CHD6: variants seen among roughly 807,000 people sequenced by gnomAD.
CHD6 encodes the protein ATP-dependent chromatin remodeler CHD6.
CHD6 carries 50 observed loss-of-function variants against 276.9 expected under a neutral mutation model. The ratio of observed to expected loss-of-function variants is 0.18; its 90% CI spans 0.14 to 0.23. The LOEUF (loss-of-function observed/expected upper bound fraction) is 0.23, where lower values mean the gene tolerates loss of function less well. CHD6 is among the 10% of genes least tolerant of loss of function. CHD6 has a pLI of 1.00. For missense variants in CHD6, 2,564 were observed against 3,365.8 expected (o/e 0.76, Z 5.89); for synonymous variants, 1,173 against 1,229.3 (o/e 0.95, Z 0.96).
chr20:41,510,539 G>T (rs1407065534), intron 5 of CHD6, among the ~76,000 whole-genome samples: 2 of 152,230 alleles, frequency 1.3e-5, no homozygotes, highest in Admixed American at 1.3e-4. Flanking sequence ...AAATTTTTTT[G>T]AGATATAATT....
At chr20:41,616,092 A>G (rs1393840017) in intron 1 of CHD6, among the ~76,000 whole-genome samples, 1 of 152,242 alleles carries the variant, frequency 6.6e-6, no homozygotes, top group Admixed American at 6.5e-5. Context: ...ATACAAAAAC[A>G]TAACTGCCAA....
intron 24 of CHD6, 46 bp from the exon 25 acceptor site, chr20:41,445,814 G>T: frequency 8.1e-7 from 1 of 1,229,960 alleles, no homozygotes; most frequent in Non-Finnish European, 1.2e-6. Flanking sequence ...AAAGCTACTG[G>T]TCCAACCCTG....
chr20:41,584,770 AAAC>A (rs1340691791), intron 1 of CHD6, among the ~76,000 whole-genome samples: 3 of 152,216 alleles, frequency 2.0e-5, no homozygotes, highest in African/African-American at 7.2e-5. Flanking sequence ...ATCAAAATCA[AAAC>A]AACATGAAAA....
intron 1 of CHD6, chr20:41,564,043 T>C: frequency 1.3e-6 from 1 of 779,388 alleles, no homozygotes; most frequent in Non-Finnish European, 2.4e-6. Flanking sequence ...ATCTGGGTTC[T>C]GAACACAAGC....
intron 27 of CHD6, among the ~76,000 whole-genome samples, chr20:41,430,029 T>C (rs1260939962): frequency 1.3e-5 from 2 of 152,338 alleles, no homozygotes; most frequent in Middle Eastern, 3.4e-3. Flanking sequence ...AGGACAGAGC[T>C]GGGAGAAAGA....
chr20:41,415,295 A>G lies in CHD6; in HGVS notation c.6830T>C (p.Leu2277Pro). Residue 2277 changes from leucine (L) to proline (P), a missense_variant, in exon 34 of 37, where the codon CTC (leucine) becomes CCC (proline). By Grantham distance (98) the Leu-to-Pro change is moderately conservative (BLOSUM62 -3). Around this residue, in one of 7 missense-constraint regions of CHD6, gnomAD observed 1,024 missense variants for 1,047.9 expected, o/e 0.98. Transcript: ENST00000373233. ...PVTGQIVNGS[L>P]RRDDAATRRR... The stretch of plus-strand genomic sequence containing the variant: ...CCTCGTGGCTGCATCATCTCTTCTG[A>G]GGCTTCCATTGACAATCTGTCCAGT... 6.2e-7 allele frequency: 1 copy of G among 1,614,008 alleles called. No individual in the cohort carries two copies. The highest frequency in any genetic ancestry group is 8.5e-7 in the Non-Finnish European group (1 of 1,180,008).
At chr20:41,409,743 G>T (rs1314609565) in intron 36 of CHD6, among the ~76,000 whole-genome samples, 1 of 152,170 alleles carries the variant, frequency 6.6e-6, no homozygotes, top group African/African-American at 2.4e-5. Context: ...TTATTAATAT[G>T]CATGTGTAAT....
intron 1 of CHD6, among the ~76,000 whole-genome samples, chr20:41,558,130 T>C (rs1305103310): frequency 2.6e-5 from 4 of 152,018 alleles, no homozygotes; most frequent in African/African-American, 9.7e-5. Flanking sequence ...GGGTAAGAAA[T>C]CCCCCAACTT....
intron 1 of CHD6, among the ~76,000 whole-genome samples, chr20:41,596,303 C>T (rs539910805): frequency 6.6e-6 from 1 of 152,208 alleles, no homozygotes; most frequent in South Asian, 2.1e-4. Flanking sequence ...GTAAATGCCC[C>T]CTTAACTAGT....
intron 2 of CHD6, among the ~76,000 whole-genome samples, chr20:41,549,690 A>C (rs1348913976): frequency 2.0e-5 from 3 of 152,228 alleles, no homozygotes; most frequent in South Asian, 4.1e-4. Context: ...ATAAAAAAAA[A>C]AGCTTATCTT....
intron 1 of CHD6, among the ~76,000 whole-genome samples, chr20:41,572,155 T>C (rs1434656462): frequency 1.3e-5 from 2 of 152,222 alleles, no homozygotes; most frequent in Non-Finnish European, 2.9e-5. Context: ...GACTGGACTC[T>C]CCAGAATTCC....
intron 23 of CHD6, 76 bp downstream of exon 23, chr20:41,450,870 C>CT: frequency 8.9e-6 from 12 of 1,355,322 alleles, no homozygotes; most frequent in Non-Finnish European, 7.2e-6. Context: ...ATGAAGTGCT[C>CT]TCCCTGTGGG....
chr20:41,469,427 G>A (rs1436120584), intron 17 of CHD6, among the ~76,000 whole-genome samples: 13 of 152,166 alleles, frequency 8.5e-5, no homozygotes, highest in Non-Finnish European at 1.9e-4. Flanking sequence ...GGTCTCTGAG[G>A]GGAGCATGAT....
At chr20:41,476,043 G>C (rs2043161003) in intron 16 of CHD6, among the ~76,000 whole-genome samples, 1 of 151,978 alleles carries the variant, frequency 6.6e-6, no homozygotes, top group Non-Finnish European at 1.5e-5. Context: ...CCTCACTTTT[G>C]AGCCAGATCC....
At chr20:41,541,919 A>C (rs1166597181) in intron 2 of CHD6, among the ~76,000 whole-genome samples, 5 of 152,180 alleles carry the variant, frequency 3.3e-5, no homozygotes, top group Non-Finnish European at 7.4e-5. Flanking sequence ...TAGAAATTTG[A>C]AATCTCTAAA....
At chr20:41,596,396 T>C (rs1044947050) in intron 1 of CHD6, among the ~76,000 whole-genome samples, 11 of 152,192 alleles carry the variant, frequency 7.2e-5, no homozygotes, top group African/African-American at 2.7e-4. Context: ...GACCAATTTT[T>C]AGGACCACAA....
chr20:41,476,954 A>T (rs2043181388), intron 16 of CHD6, among the ~76,000 whole-genome samples: 1 of 152,036 alleles, frequency 6.6e-6, no homozygotes, highest in Non-Finnish European at 1.5e-5. Flanking sequence ...ACAGATAAAT[A>T]AGCCAGGTAT....
intron 1 of CHD6, among the ~76,000 whole-genome samples, chr20:41,556,240 T>A (rs1272984611): frequency 7.3e-6 from 1 of 136,550 alleles, no homozygotes; most frequent in Non-Finnish European, 1.6e-5. Flanking sequence ...AGGGAGACCG[T>A]GGAAAGAGGG....
chr20:41,542,221 G>C lies in CHD6; in HGVS notation c.34-8651C>G, dbSNP rs55864949. ...TATTTGGTGATATATTCTAGGACAA[G>C]TAGATGCTGAACAGAATCTAGTGGG... is the stretch of plus-strand genomic sequence containing the variant. On this transcript the variant is annotated intron_variant, in intron 2 of 36. Transcript: ENST00000373233. 4.5e-3 allele frequency among the ~76,000 whole-genome samples: 679 copies of C among 152,308 alleles called. 4 individuals are homozygous for C. Among genetic ancestry groups the C allele is most frequent in the Non-Finnish European group, 8.5e-3 (579 of 68,042 alleles).
Sources: gnomAD v4.1 joint callset for allele counts (sites outside exome capture counted in the v4.1 genomes callset) on GRCh38, gnomAD v4.1.1 for gene constraint, gnomAD v4.1.1 regional missense constraint, MANE v1.5 for transcripts, NCBI Gene and HGNC (gene_info 2026-07-23, HGNC 2026-07-21) for gene names.